The following CASP2 variants were observed in gnomAD, a reference collection of about 807,000 sequenced individuals.
CASP2 encodes caspase 2.
CASP2 carries 38 observed loss-of-function variants against 54.4 expected under a neutral mutation model. The observed-to-expected ratio is 0.70, with a 90% CI of 0.54 to 0.92. CASP2 has a LOEUF of 0.92. Ranked by LOEUF, CASP2 falls within the 40% of genes least tolerant of loss-of-function variation. The pLI is 0.00. For synonymous variants in CASP2, 215 were observed against 216.3 expected (o/e 0.99, Z 0.05); for missense variants, 512 against 579.6 (o/e 0.88, Z 1.20).
intron 9 of CASP2, 92 bp downstream of exon 9, chr7:143,304,025 C>A: frequency 8.1e-7 from 1 of 1,237,976 alleles, no homozygotes; most frequent in Non-Finnish European, 1.2e-6. Context: ...TATCCCTTAT[C>A]TGAAGTGTTG....
rs4647282 is a variant in CASP2 at position 143,288,686 on chromosome 7, C to G, written c.74+157C>G. Among the ~76,000 whole-genome samples, 1,480 of 152,332 alleles carry G rather than the reference C, an allele frequency of 9.7e-3. 26 individuals are homozygous for G. The highest frequency in any genetic ancestry group is 0.034 in the African/African-American group (1,422 of 41,578). On this transcript the variant is annotated intron_variant, in intron 1 of 10. Transcript: ENST00000310447. Reference sequence around the variant, plus strand: ...GGTGGGACGCCCGCCCGAGCCGCTCCGAGCCTGACTCCGCGCAAGGGCCCG... The same window carrying G: ...GGTGGGACGCCCGCCCGAGCCGCTCGGAGCCTGACTCCGCGCAAGGGCCCG...
intron 1 of CASP2, 118 bp downstream of exon 1, chr7:143,288,647 C>T: frequency 3.1e-6 from 3 of 972,850 alleles, no homozygotes; most frequent in Non-Finnish European, 4.6e-6. Flanking sequence ...GCCGTGTCCG[C>T]GCTTCCTGCC....
At chr7:143,297,607 C>T (rs4647315) in intron 6 of CASP2, among the ~76,000 whole-genome samples, 1,843 of 152,198 alleles carry the variant, frequency 0.012, 15 homozygotes, top group Non-Finnish European at 0.02. Flanking sequence ...CCACCACGCC[C>T]GGCTAATTTT....
Position 143,288,536 on chromosome 7 carries a change from A to G in CASP2, c.74+7A>G, listed in dbSNP as rs542820715. 1.1e-5 allele frequency: 17 copies of G among 1,612,370 alleles called. No individual in the cohort carries two copies. In the East Asian group the frequency reaches 2.2e-4, roughly 21 times the overall value. On this transcript the variant is annotated splice_region_variant and intron_variant, in intron 1 of 10. Transcript: ENST00000310447. ...CCGCTGACAGGGGACGCAGGTAAGTAGGGAACGGTCTTAGGGCTCCTTAGG... is the reference window on the plus strand; with the variant it reads ...CCGCTGACAGGGGACGCAGGTAAGTGGGGAACGGTCTTAGGGCTCCTTAGG...
chr7:143,288,463 C>T lies in CASP2; in HGVS notation c.8C>T (p.Ala3Val). ...GCCCGGGAAAAGCGGGAAATGGCGG[C>T]GCCGAGCGCGGGGTCTTGGTCCACC... is the stretch of plus-strand genomic sequence containing the variant. MA[A>V]PSAGSWSTFQ... Residue 3 changes from alanine (A) to valine (V), a missense_variant, in exon 1 of 11, where the codon GCG becomes GTG. This residue lies in a region of CASP2 where 89 missense variants were observed against 67.1 expected (regional missense o/e 1.33). Coordinates refer to ENST00000310447, the MANE Select transcript of CASP2 (RefSeq NM_032982.4). 1.9e-6 allele frequency: 3 copies of T among 1,612,924 alleles called. No individual in the cohort carries two copies. Among genetic ancestry groups the T allele is most frequent in the South Asian group, 1.1e-5 (1 of 91,050 alleles).
intron 5 of CASP2, 38 bp from the exon 6 acceptor site, chr7:143,294,559 T>C (rs1311996017): frequency 3.8e-6 from 6 of 1,591,688 alleles, no homozygotes; most frequent in African/African-American, 2.7e-5. Context: ...TCATCTGTTA[T>C]CAAGACGCTC....
rs772006772 is a variant in CASP2, at chr7:143,300,665, CCTT to C, written c.967+375_967+377del. 2.5e-5 allele frequency: 31 copies of C among 1,240,038 alleles called. No individual in the cohort carries two copies. In the South Asian group the frequency reaches 3.7e-4, roughly 15 times the overall value. The allele number at this position is 1,240,038 out of a possible 1,614,324, so 76.8% of individuals were successfully genotyped here. On this transcript the variant is annotated intron_variant, in intron 8 of 10. Coordinates refer to ENST00000310447, the MANE Select transcript of CASP2 (RefSeq NM_032982.4). Reference sequence around the variant, plus strand: ...GATTTTTGATCTGTCTTTTTCCTGTCCTTCTTATTTTATCTCCTTTCTTTCACT... The same window carrying C: ...GATTTTTGATCTGTCTTTTTCCTGTCCTTATTTTATCTCCTTTCTTTCACT...
At position 143,304,800 on chromosome 7, in the gene CASP2, C is replaced by T. The variant is rs926151030; in HGVS notation, c.1227+17C>T. The T allele has an allele frequency of 6.2e-6, 10 of 1,608,996 alleles. No individual in the cohort carries two copies. Among genetic ancestry groups the T allele is most frequent in the African/African-American group, 2.7e-5 (2 of 74,812 alleles). Reference sequence around the variant, plus strand: ...CTGGTTAAGGTGAGCCAGCGGGCTCCGTGACCCCTGTGTGTCTCCACAGTG... The same window carrying T: ...CTGGTTAAGGTGAGCCAGCGGGCTCTGTGACCCCTGTGTGTCTCCACAGTG... On this transcript the variant is annotated intron_variant, in intron 10 of 10. Coordinates refer to ENST00000310447, the MANE Select transcript of CASP2 (RefSeq NM_032982.4).
chr7:143,289,432 A>C (rs1318468149), intron 1 of CASP2, among the ~76,000 whole-genome samples: 2 of 152,216 alleles, frequency 1.3e-5, no homozygotes, highest in Non-Finnish European at 2.9e-5. Flanking sequence ...ATAAGTCAGT[A>C]AGTTGCAAGT....
chr7:143,300,728 G>C, intron 8 of CASP2: 5 of 1,191,454 alleles, frequency 4.2e-6, no homozygotes, highest in Non-Finnish European at 5.3e-6. Flanking sequence ...ATACTTCCCT[G>C]TTTACCTACA....
chr7:143,294,534 A>G (rs1273290484), intron 5 of CASP2, 63 bp from the exon 6 acceptor site: 2 of 1,459,262 alleles, frequency 1.4e-6, no homozygotes, highest in Non-Finnish European at 9.6e-7. Context: ...TGAAATGTCT[A>G]ATCTAGCCGA....
rs769894317 is a variant in CASP2, at chr7:143,288,521, G to T, written c.66G>T (p.Arg22Ser). 1 of 1,613,204 alleles carries T rather than the reference G, an allele frequency of 6.2e-7. No individual in the cohort carries two copies. Among genetic ancestry groups the T allele is most frequent in the South Asian group, 1.1e-5 (1 of 91,056 alleles). ...FQHKELMAAD[R>S]GRRILGVCGM... Reference sequence around the variant, plus strand: ...ACAAGGAGCTGATGGCCGCTGACAGGGGACGCAGGTAAGTAGGGAACGGTC... The same window carrying T: ...ACAAGGAGCTGATGGCCGCTGACAGTGGACGCAGGTAAGTAGGGAACGGTC... Residue 22 changes from arginine to serine, a missense_variant, in exon 1 of 11, where the codon AGG becomes AGT. Physicochemically the swap from Arg to Ser is moderately radical, Grantham distance 110 (BLOSUM62 -1). Coordinates refer to ENST00000310447, the MANE Select transcript of CASP2 (RefSeq NM_032982.4).
In CASP2 at chr7:143,297,468, T is replaced by C. The variant is rs779309662; in HGVS notation, c.748-2455T>C. On this transcript the variant is annotated intron_variant, in intron 6 of 10. Transcript: ENST00000310447. ...TGTTTTCTTTTTTTTTATTTTGAGA[T>C]GGAGTTTCACTTTTGTTGCCCAGGC... is the stretch of plus-strand genomic sequence containing the variant. Among the ~76,000 whole-genome samples, 33 of 152,312 alleles carry C rather than the reference T, an allele frequency of 2.2e-4. No individual in the cohort carries two copies. In the Middle Eastern group the frequency reaches 0.01, roughly 47 times the overall value.
rs1241558051 is a variant in CASP2, at chr7:143,305,306, G to A, written c.*235G>A. ...CAGCCTTGGTTGGACCTATTGCCAG[G>A]AATGTTTCAGCTGCAGTTGAAGAGC... is the stretch of plus-strand genomic sequence containing the variant. On this transcript the variant is annotated 3_prime_UTR_variant, in exon 11 of 11. Transcript: ENST00000310447. The A allele has an allele frequency of 1.7e-6, 1 of 596,318 alleles. No individual in the cohort carries two copies. The highest frequency in any genetic ancestry group is 2.7e-5 in the Admixed American group (1 of 36,522). 36.9% of individuals were successfully genotyped at this position (596,318 alleles called of 1,614,324 possible).
chr7:143,300,905 A>T, intron 8 of CASP2: 1 of 1,043,820 alleles, frequency 9.6e-7, no homozygotes, highest in Non-Finnish European at 1.2e-6. Flanking sequence ...GGACTGCAGG[A>T]CGAGGATTAA....
In CASP2 at chr7:143,303,828, G is replaced by T. The variant is rs1479934891; in HGVS notation, c.1012G>T (p.Ala338Ser). Reference sequence around the variant, plus strand: ...TGACCAACAAGATGGAAAGAACCACGCAGGATCCCCTGGGTGCGAGGAGAG... The same window carrying T: ...TGACCAACAAGATGGAAAGAACCACTCAGGATCCCCTGGGTGCGAGGAGAG... ...GVDQQDGKNH[A>S]GSPGCEESDA... The change falls in exon 9 of 11, where the codon GCA becomes TCA. Residue 338 changes from alanine to serine, a missense_variant. Ala to Ser is a moderately conservative substitution (Grantham distance 99). This residue lies in a region of CASP2 where 417 missense variants were observed against 495.4 expected (regional missense o/e 0.84). Transcript: ENST00000310447. The T allele has an allele frequency of 1.2e-6, 2 of 1,613,388 alleles. No homozygotes were observed. Among genetic ancestry groups the T allele is most frequent in the Admixed American group, 3.3e-5 (2 of 59,992 alleles).
chr7:143,302,454 A>G (rs1801942385), intron 8 of CASP2: 1 of 152,172 alleles, frequency 6.6e-6, no homozygotes, highest in Non-Finnish European at 1.5e-5. Context: ...TATTTGGTTA[A>G]TATAATTAAT....
At chr7:143,300,140 G>T in intron 7 of CASP2, 64 bp from the exon 8 acceptor site, 1 of 1,611,592 alleles carries the variant, frequency 6.2e-7, no homozygotes, top group Non-Finnish European at 8.5e-7. Flanking sequence ...ACTGTTGCAT[G>T]TGTAGGACTT....
intron 1 of CASP2, among the ~76,000 whole-genome samples, chr7:143,289,180 A>G (rs905289830): frequency 6.6e-6 from 1 of 152,172 alleles, no homozygotes; most frequent in Non-Finnish European, 1.5e-5. Context: ...GTCTTCGCAA[A>G]GGGAACCTGC....
Sources: allele counts gnomAD v4.1 joint callset (sites outside exome capture counted in the v4.1 genomes callset), GRCh38; gene constraint gnomAD v4.1.1; regional missense constraint gnomAD v4.1.1; transcripts MANE v1.5; gene names NCBI Gene and HGNC (gene_info 2026-07-23, HGNC 2026-07-21).